Variants in RNF103 observed in about 807,000 individuals in gnomAD.
RNF103 encodes the protein ring finger protein 103.
A neutral mutation model predicts 66.2 loss-of-function variants in RNF103; 23 were observed. The ratio of observed to expected loss-of-function variants is 0.35; its 90% CI spans 0.25 to 0.49. The LOEUF (loss-of-function observed/expected upper bound fraction) is 0.49. Ranked by LOEUF, RNF103 falls within the 20% of genes least tolerant of loss-of-function variation. The pLI is 0.98. For missense variants in RNF103, 730 were observed against 814.7 expected (o/e 0.90, Z 1.27); for synonymous variants, 297 against 289.9 (o/e 1.02, Z -0.25).
At chr2:86,608,512 GA>G (rs1185470449) in intron 3 of RNF103, among the ~76,000 whole-genome samples, 2 of 146,234 alleles carry the variant, frequency 1.4e-5, no homozygotes, top group African/African-American at 5.1e-5. Context: ...AAAAAAAAAG[GA>G]AGAAAGGAAG....
intron 2 of RNF103, chr2:86,614,580 G>A: frequency 5.2e-6 from 1 of 190,562 alleles, no homozygotes; most frequent in Non-Finnish European, 9.6e-6. Flanking sequence ...TCCAGCCTGG[G>A]TAACAGAGCA....
rs1164326433 is a variant in RNF103 at position 86,604,139 on chromosome 2, A to G, written c.1762T>C (p.Cys588Arg). The G allele has an allele frequency of 6.2e-7, 1 of 1,613,248 alleles. No homozygotes were observed. The highest frequency in any genetic ancestry group is 1.3e-5 in the African/African-American group (1 of 74,914). The change falls in exon 4 of 4, where the codon TGT becomes CGT. Residue 588 changes from cysteine to arginine, a missense_variant. By Grantham distance (180) the Cys-to-Arg change is radical. Transcript: ENST00000237455. ...CCATATGACCTCCCCTTCCTTTCAC[A>G]TGGGCTGGTCTGACAATATTTATTG... is the stretch of plus-strand genomic sequence containing the variant. ...CANKYCQTSP[C>R]ERKGRSYGSY... is the part of the protein sequence containing the mutation.
rs892333630 is a variant in RNF103, at chr2:86,603,914, G to A, written c.1987C>T (p.Arg663Trp). ...AGGRHCCPVC[R>W]WPSYKKKQPY... ...TGCTTTTTTTTATAAGAAGGCCACC[G>A]GCAAACAGGGCAACAATGTCGGCCC... Residue 663 changes from arginine to tryptophan, a missense_variant, in exon 4 of 4, where the codon CGG (arginine) becomes TGG (tryptophan). Coordinates refer to ENST00000237455, the MANE Select transcript of RNF103 (RefSeq NM_005667.4). 3.7e-6 allele frequency: 6 copies of A among 1,614,032 alleles called. No homozygotes were observed. Among genetic ancestry groups the A allele is most frequent in the East Asian group, 2.2e-5 (1 of 44,878 alleles).
rs1241113537 is a variant in RNF103, at chr2:86,603,912, C to T, written c.1989G>A (p.Arg663=). Residue 663 remains arginine (R), a synonymous_variant, in exon 4 of 4, where the codon CGG becomes CGA. Coordinates refer to ENST00000237455, the MANE Select transcript of RNF103 (RefSeq NM_005667.4). The part of the protein sequence containing the change: ...AGGRHCCPVC[R]WPSYKKKQPY... ...GCTGCTTTTTTTTATAAGAAGGCCA[C>T]CGGCAAACAGGGCAACAATGTCGGC... 20 of 1,613,964 alleles carry T rather than the reference C, an allele frequency of 1.2e-5. No individual in the cohort carries two copies. Among genetic ancestry groups the T allele is most frequent in the Non-Finnish European group, 1.6e-5 (19 of 1,180,022 alleles).
chr2:86,622,612 C>A, intron 1 of RNF103, 49 bp downstream of exon 1: 1 of 1,556,856 alleles, frequency 6.4e-7, no homozygotes, highest in South Asian at 1.1e-5. Flanking sequence ...AGGTACAGGT[C>A]GTCCCCTCTC....
intron 3 of RNF103, among the ~76,000 whole-genome samples, chr2:86,608,183 T>C (rs570248712): frequency 4.6e-5 from 7 of 152,236 alleles, no homozygotes; most frequent in South Asian, 2.1e-4. Context: ...GTTGCTGATG[T>C]GGCATGCTAT....
chr2:86,610,559 AGACTTT>A (rs1240301253), intron 3 of RNF103, among the ~76,000 whole-genome samples: 2 of 152,210 alleles, frequency 1.3e-5, no homozygotes, highest in Non-Finnish European at 2.9e-5. Flanking sequence ...TAATAACATT[AGACTTT>A]AATTAATGCA....
chr2:86,619,198 A>T (rs1452022957), intron 2 of RNF103, among the ~76,000 whole-genome samples: 1 of 152,216 alleles, frequency 6.6e-6, no homozygotes, highest in East Asian at 1.9e-4. Context: ...CTAGTCAGTG[A>T]CAGTACCAGA....
At position 86,604,898 on chromosome 2, in the gene RNF103, T is replaced by G. The variant is rs1226427558; in HGVS notation, c.1003A>C (p.Asn335His). Residue 335 changes from asparagine (N) to histidine (H), a missense_variant, in exon 4 of 4, where the codon AAT becomes CAT. Physicochemically the swap from Asn to His is moderately conservative, Grantham distance 68. Coordinates refer to ENST00000237455, the MANE Select transcript of RNF103 (RefSeq NM_005667.4). The stretch of plus-strand genomic sequence containing the variant: ...AATAAGTCCATCCAAGCCATAAGAT[T>G]AACTAGAACCAAGCTCAAAACAAAC... ...DLFVLSLVLV[N>H]LMAWMDLFIT... The G allele has an allele frequency of 1.2e-6, 2 of 1,613,944 alleles. No homozygotes were observed. The highest frequency in any genetic ancestry group is 1.7e-6 in the Non-Finnish European group (2 of 1,180,020).
Position 86,612,163 on chromosome 2 carries a change from G to C in RNF103, c.478C>G (p.Pro160Ala), listed in dbSNP as rs1279474590. The change falls in exon 3 of 4, where the codon CCC becomes GCC. Residue 160 changes from proline (P) to alanine (A), a missense_variant. Physicochemically the swap from Pro to Ala is conservative, Grantham distance 27 (BLOSUM62 -1). Around this residue, in one of 3 missense-constraint regions of RNF103, gnomAD observed 327 missense variants for 369.8 expected, o/e 0.88. Coordinates refer to ENST00000237455, the MANE Select transcript of RNF103 (RefSeq NM_005667.4). ...RTGTFNCSSD[P>A]RYCRRRGWVR... ...AGAATTGCCTAATCAACTTACCTGG[G>C]ATCACTGGAACAGTTAAATGTGCCT... 7 of 1,602,336 alleles carry C rather than the reference G, an allele frequency of 4.4e-6. No individual in the cohort carries two copies. Among genetic ancestry groups the C allele is most frequent in the Non-Finnish European group, 6.0e-6 (7 of 1,173,580 alleles).
In RNF103 at chr2:86,623,566, C is replaced by G. The variant is rs2104275387; in HGVS notation, c.-680G>C. 1 of 996,884 alleles carries G rather than the reference C, an allele frequency of 1.0e-6. No homozygotes were observed. Among genetic ancestry groups the G allele is most frequent in the South Asian group, 4.0e-5 (1 of 25,084 alleles). The allele number at this position is 996,884 out of a possible 1,614,324, so 61.8% of individuals were successfully genotyped here. ...GCACGGCGGCGGCTCCAGGTTCGCTCGGGCCGGCTGGCGGGCGGCGCCTCT... is the reference window on the plus strand; with the variant it reads ...GCACGGCGGCGGCTCCAGGTTCGCTGGGGCCGGCTGGCGGGCGGCGCCTCT... On this transcript the variant is annotated 5_prime_UTR_variant, in exon 1 of 4. Coordinates refer to ENST00000237455, the MANE Select transcript of RNF103 (RefSeq NM_005667.4).
chr2:86,615,157 G>C (rs1409853207), intron 2 of RNF103: 5 of 985,202 alleles, frequency 5.1e-6, no homozygotes, highest in Non-Finnish European at 6.0e-6. Context: ...GAACATACCT[G>C]GGGCAGGTAC....
rs899917040 is a variant in RNF103 at position 86,623,752 on chromosome 2, G to A, written c.-866C>T. The A allele has an allele frequency of 6.7e-5, 86 of 1,280,100 alleles. No individual in the cohort carries two copies. Among genetic ancestry groups the A allele is most frequent in the Non-Finnish European group, 8.1e-5 (80 of 985,314 alleles). 79.3% of individuals were successfully genotyped at this position (1,280,100 alleles called of 1,614,324 possible). A position where few individuals can be genotyped will look rare whatever the true frequency, so the allele number is the denominator to read the frequency against. On this transcript the variant is annotated 5_prime_UTR_variant, in exon 1 of 4. Transcript: ENST00000237455. ...CACTCAGCGCCCGTCCCGCTCGGATGGGCAGTGCCGGTCGCAGCACCCGTC... is the reference window on the plus strand; with the variant it reads ...CACTCAGCGCCCGTCCCGCTCGGATAGGCAGTGCCGGTCGCAGCACCCGTC...
intron 2 of RNF103, chr2:86,612,965 G>A (rs1195822676): frequency 1.3e-5 from 2 of 152,142 alleles, no homozygotes; most frequent in East Asian, 3.8e-4. Flanking sequence ...AGATTCTTAA[G>A]AAAAGAAAAA....
chr2:86,621,254 A>T (rs1679216929), intron 1 of RNF103, among the ~76,000 whole-genome samples: 1 of 152,178 alleles, frequency 6.6e-6, no homozygotes, highest in Non-Finnish European at 1.5e-5. Context: ...CTTCTAGTAC[A>T]TTCAATGTGC....
intron 3 of RNF103, among the ~76,000 whole-genome samples, chr2:86,607,706 T>G (rs1276764639): frequency 1.3e-5 from 2 of 152,262 alleles, no homozygotes; most frequent in African/African-American, 4.8e-5. Flanking sequence ...AACTGTCTTA[T>G]TTATATCTTA....
Position 86,620,863 on chromosome 2 carries a change from A to T in RNF103, c.227-394T>A, listed in dbSNP as rs559661121. Among the ~76,000 whole-genome samples, 16 of 152,312 alleles carry T rather than the reference A, an allele frequency of 1.1e-4. 1 individual carries two copies. The highest frequency in any genetic ancestry group is 3.8e-4 in the African/African-American group (16 of 41,584). Reference sequence around the variant, plus strand: ...TATACATTTTTAAACAGTATGGCTTATATGCTTCTTACTTAAAAGATGTAG... The same window carrying T: ...TATACATTTTTAAACAGTATGGCTTTTATGCTTCTTACTTAAAAGATGTAG... On this transcript the variant is annotated intron_variant, in intron 1 of 3. Transcript: ENST00000237455.
intron 1 of RNF103, among the ~76,000 whole-genome samples, chr2:86,622,249 CTTA>C (rs1253855728): frequency 6.6e-6 from 1 of 152,142 alleles, no homozygotes; most frequent in Non-Finnish European, 1.5e-5. Flanking sequence ...CTCTGGGTAT[CTTA>C]TTATTACTAT....
chr2:86,616,776 T>C lies in RNF103; in HGVS notation c.366+3554A>G, dbSNP rs953471101. On this transcript the variant is annotated intron_variant, in intron 2 of 3. Transcript: ENST00000237455. ...TGTAACACAGCCAGTAGGGAACAAA[T>C]ATGTCCTTCTTTGAACTATGACAAA... 8.1e-6 allele frequency: 8 copies of C among 985,274 alleles called. No individual in the cohort carries two copies. In the African/African-American group the frequency reaches 1.0e-4, roughly 13 times the overall value. The allele number at this position is 985,274 out of a possible 1,614,324, so 61.0% of individuals were successfully genotyped here.
Sources: allele counts gnomAD v4.1 joint callset (sites outside exome capture counted in the v4.1 genomes callset), GRCh38; gene constraint gnomAD v4.1.1; regional missense constraint gnomAD v4.1.1; transcripts MANE v1.5; gene names NCBI Gene and HGNC (gene_info 2026-07-23, HGNC 2026-07-21).